The following FMR1 variants were observed in gnomAD, a reference collection of about 807,000 sequenced individuals.
FMR1 encodes fragile X messenger ribonucleoprotein 1, also known as FMRP translational regulator 1.
FMR1 carries 13 observed loss-of-function variants against 50.6 expected under a neutral mutation model. The ratio of observed to expected loss-of-function variants is 0.26; its 90% CI spans 0.17 to 0.41. The LOEUF is 0.41. Among genes scored for constraint, FMR1 ranks in the 10% least tolerant of loss-of-function variants. The pLI is 1.00. For missense variants in FMR1, 316 were observed against 491.3 expected, an observed-to-expected ratio of 0.64 and a Z score of 3.37; for synonymous variants, 138 against 164.1, an observed-to-expected ratio of 0.84 and a Z score of 1.22.
intron 7 of FMR1, among the ~76,000 whole-genome samples, 194 bp from the exon 8 acceptor site, chrX:147,932,231 C>T (rs1408162984): frequency 9.0e-6 from 1 of 111,635 alleles, no homozygotes; most frequent in Non-Finnish European, 1.9e-5. Flanking sequence ...TATAAAATGT[C>T]ATAGACCTTT....
At chrX:147,942,396 A>G (rs1407864611) in intron 13 of FMR1, among the ~76,000 whole-genome samples, 1 of 112,387 alleles carries the variant, frequency 8.9e-6, no homozygotes, top group East Asian at 2.8e-4. Flanking sequence ...TGCTTTTTGT[A>G]AGGGTCTGTC....
chrX:147,912,049 C>CGCGGCGGCGGCGGAGGCGGCG lies in FMR1; in HGVS notation c.-118_-117insAGGCGGCGGCGGCGGCGGCGG, dbSNP rs1931590424. On this transcript the variant is annotated 5_prime_UTR_variant, in exon 1 of 17. Coordinates refer to ENST00000370475, the MANE Select transcript of FMR1 (RefSeq NM_002024.6). ...GCCGCTGCCAGGGGGCGTGCGGCAG[C>CGCGGCGGCGGCGGAGGCGGCG]GCGGCGGCGGCGGCGGCGGCGGCGG... 1 of 39,997 alleles carries CGCGGCGGCGGCGGAGGCGGCG rather than the reference C, an allele frequency of 2.5e-5. No individual in the cohort carries two copies. Among genetic ancestry groups the CGCGGCGGCGGCGGAGGCGGCG allele is most frequent in the Admixed American group, 3.6e-4 (1 of 2,765 alleles). 3.3% of individuals were successfully genotyped at this position (39,997 alleles called of 1,213,427 possible). A position where few individuals can be genotyped will look rare whatever the true frequency, so the allele number is the denominator to read the frequency against.
At chrX:147,931,550 A>G (rs1345752412) in intron 7 of FMR1, among the ~76,000 whole-genome samples, 2 of 111,962 alleles carry the variant, frequency 1.8e-5, no homozygotes, top group Admixed American at 9.5e-5. Flanking sequence ...AGAGATTTAC[A>G]TGTTCCTATA....
intron 5 of FMR1, among the ~76,000 whole-genome samples, chrX:147,929,175 T>C (rs1242052437): frequency 2.7e-5 from 3 of 112,257 alleles, no homozygotes; most frequent in Admixed American, 9.5e-5. Context: ...TTTTCTCTTT[T>C]ACCTAAAATG....
intron 14 of FMR1, chrX:147,944,468 C>G (rs1325041746): frequency 2.7e-6 from 2 of 751,742 alleles, no homozygotes; most frequent in Non-Finnish European, 3.1e-6. Flanking sequence ...TGGGCCAAAT[C>G]TTGCTAAAAG....
chrX:147,912,049 CGCGGCGGCGGCGGCG>C lies in FMR1; in HGVS notation c.-114_-100del, dbSNP rs193922936. 8 of 41,495 alleles carry C rather than the reference CGCGGCGGCGGCGGCG, an allele frequency of 1.9e-4. No individual in the cohort carries two copies. The highest frequency in any genetic ancestry group is 2.4e-4 in the Non-Finnish European group (6 of 25,229). The allele number at this position is 41,495 out of a possible 1,213,427, so 3.4% of individuals were successfully genotyped here. ...GCCGCTGCCAGGGGGCGTGCGGCAG[CGCGGCGGCGGCGGCG>C]GCGGCGGCGGCGGCGGAGGCGGCGG... On this transcript the variant is annotated 5_prime_UTR_variant, in exon 1 of 17. Coordinates refer to ENST00000370475, the MANE Select transcript of FMR1 (RefSeq NM_002024.6).
At chrX:147,939,902 C>CAAA (rs782544831) in intron 12 of FMR1, among the ~76,000 whole-genome samples, 3 of 45,496 alleles carry the variant, frequency 6.6e-5, no homozygotes, top group African/African-American at 8.4e-5. Flanking sequence ...GACCCTGTCT[C>CAAA]AAAAAAAAAA....
At position 147,928,898 on chromosome X, in the gene FMR1, C is replaced by A. The variant is rs1194721418; in HGVS notation, c.419+91C>A. 4.2e-6 allele frequency: 4 copies of A among 962,760 alleles called. No homozygotes were observed. In the Admixed American group the frequency reaches 9.7e-5, roughly 23 times the overall value. 79.3% of individuals were successfully genotyped at this position (962,760 alleles called of 1,213,427 possible). A position where few individuals can be genotyped will look rare whatever the true frequency, so the allele number is the denominator to read the frequency against. On this transcript the variant is annotated intron_variant, in intron 5 of 16. Transcript: ENST00000370475. ...TAGTAGTTTAAAATTTTTTAAACTA[C>A]TAGAAATTGATTTTAAATTTGGTGG...
chrX:147,940,174 A>AAAC (rs1771760856), intron 12 of FMR1: 2 of 112,893 alleles, frequency 1.8e-5, no homozygotes, highest in African/African-American at 6.7e-5. Flanking sequence ...AAAAAAAAAA[A>AAAC]AAAAACAAAA....
At chrX:147,944,679 A>G in intron 14 of FMR1, 190 bp from the exon 15 acceptor site, 2 of 1,050,888 alleles carry the variant, frequency 1.9e-6, no homozygotes, top group Non-Finnish European at 1.2e-6. Flanking sequence ...TTAACCTCAA[A>G]TATTGCAAAG....
In FMR1 at chrX:147,945,596, A is replaced by T. The variant is rs1557181809; in HGVS notation, c.1717A>T (p.Thr573Ser). 8.3e-7 allele frequency: 1 copy of T among 1,201,838 alleles called. No homozygotes were observed. The highest frequency in any genetic ancestry group is 3.0e-5 in the East Asian group (1 of 33,815). ...TAATCCAAGAGAGGCTAAAGGAAGAACAACAGATGGATCCCTTCAGGTAAA... is the reference window on the plus strand; with the variant it reads ...TAATCCAAGAGAGGCTAAAGGAAGATCAACAGATGGATCCCTTCAGGTAAA... ...PRNPREAKGR[T>S]TDGSLQIRVD... is the part of the protein sequence containing the mutation. The change falls in exon 16 of 17, where the codon ACA becomes TCA. Residue 573 changes from threonine (T) to serine (S), a missense_variant. Around this residue, in one of 4 missense-constraint regions of FMR1, gnomAD observed 124 missense variants for 160.8 expected, o/e 0.77. Coordinates refer to ENST00000370475, the MANE Select transcript of FMR1 (RefSeq NM_002024.6).
At chrX:147,929,599 GA>G (rs1261407310) in intron 5 of FMR1, among the ~76,000 whole-genome samples, 11 of 105,086 alleles carry the variant, frequency 1.0e-4, no homozygotes, top group African/African-American at 2.8e-4. Context: ...AAAAAAAAAG[GA>G]AAAAAAAAGG....
At chrX:147,942,296 C>T (rs137958767) in intron 13 of FMR1, among the ~76,000 whole-genome samples, 42 of 112,090 alleles carry the variant, frequency 3.7e-4, no homozygotes, top group African/African-American at 1.3e-3. Context: ...TCCCCGTAGC[C>T]AGTAAATGAG....
chrX:147,924,050 T>G (rs2043291065), intron 2 of FMR1, among the ~76,000 whole-genome samples: 1 of 111,896 alleles, frequency 8.9e-6, no homozygotes, highest in East Asian at 2.8e-4. Context: ...ATATTTCACA[T>G]TTTTTAATAA....
chrX:147,928,460 TC>T (rs1163666981), intron 4 of FMR1, 67 bp downstream of exon 4: 1 of 891,139 alleles, frequency 1.1e-6, no homozygotes, highest in Non-Finnish European at 1.6e-6. Context: ...GGTTGTACAT[TC>T]CCGTGTGGAT....
At chrX:147,940,386 C>T (rs1557180553) in intron 12 of FMR1, 190 bp from the exon 13 acceptor site, 8 of 429,347 alleles carry the variant, frequency 1.9e-5, no homozygotes, top group South Asian at 1.0e-4. Flanking sequence ...TTGATCTATT[C>T]GTATTCACAG....
intron 12 of FMR1, 40 bp downstream of exon 12, chrX:147,938,201 A>T: frequency 9.9e-7 from 1 of 1,005,373 alleles, no homozygotes; most frequent in Non-Finnish European, 1.4e-6. Flanking sequence ...TTCAGTTTAT[A>T]TTTTAATGTT....
intron 16 of FMR1, among the ~76,000 whole-genome samples, chrX:147,946,672 CA>C (rs781905945): frequency 1.1e-4 from 12 of 112,417 alleles, no homozygotes; most frequent in Non-Finnish European, 2.1e-4. Flanking sequence ...AAATGATAGT[CA>C]AACCTTAGTG....
Position 147,950,006 on chromosome X carries a change from G to A in FMR1, c.*1162G>A, listed in dbSNP as rs1557183208. ...GCAGAATTGGAAAAGACTAAGATCGGTTAACAAATAACAACTTTTTTTTCT... is the reference window on the plus strand; with the variant it reads ...GCAGAATTGGAAAAGACTAAGATCGATTAACAAATAACAACTTTTTTTTCT... On this transcript the variant is annotated 3_prime_UTR_variant, in exon 17 of 17. Transcript: ENST00000370475. 3.2e-6 allele frequency: 1 copy of A among 316,833 alleles called. No individual in the cohort carries two copies. The allele number at this position is 316,833 out of a possible 1,213,427, so 26.1% of individuals were successfully genotyped here.
Sources: allele counts gnomAD v4.1 joint callset (sites outside exome capture counted in the v4.1 genomes callset), GRCh38; gene constraint gnomAD v4.1.1; regional missense constraint gnomAD v4.1.1; transcripts MANE v1.5; gene names NCBI Gene and HGNC (gene_info 2026-07-23, HGNC 2026-07-21).